The following ZNF385D variants were observed in gnomAD, a reference collection of about 807,000 sequenced individuals.
ZNF385D encodes the protein zinc finger protein 385D, also known as zinc finger protein 659.
In ZNF385D, 15 loss-of-function variants were observed where a neutral mutation model predicts 35.8. The ratio of observed to expected loss-of-function variants is 0.42; its 90% CI spans 0.28 to 0.64. The LOEUF is 0.64. ZNF385D is among the 30% of genes least tolerant of loss of function. The pLI, the probability that ZNF385D is intolerant of heterozygous loss-of-function variation, is 0.23. For missense variants in ZNF385D, 474 were observed against 494.6 expected (o/e 0.96, Z 0.39); for synonymous variants, 212 against 186.8 (o/e 1.13, Z -1.10).
intron 1 of ZNF385D, among the ~76,000 whole-genome samples, chr3:21,735,518 T>C (rs2069201454): frequency 1.3e-5 from 2 of 152,160 alleles, no homozygotes; most frequent in African/African-American, 2.4e-5. Flanking sequence ...GTGCCATGTA[T>C]ATATAAAATT....
At chr3:22,100,069 A>G (rs543145887) in intron 3 of ZNF385D, among the ~76,000 whole-genome samples, 34 of 151,368 alleles carry the variant, frequency 2.2e-4, no homozygotes, top group Admixed American at 1.9e-3. Context: ...GCAGCCAAAA[A>G]ACACATGAAA....
intron 3 of ZNF385D, chr3:21,542,850 C>A (rs1178230830): frequency 6.6e-6 from 1 of 152,196 alleles, no homozygotes; most frequent in Non-Finnish European, 1.5e-5. Context: ...GACTTTCACT[C>A]GATAAAACCC....
chr3:21,822,782 A>G (rs1171423238), intron 3 of ZNF385D, among the ~76,000 whole-genome samples: 1 of 151,868 alleles, frequency 6.6e-6, no homozygotes, highest in African/African-American at 2.4e-5. Flanking sequence ...ATCAACATAA[A>G]TAAATCTCGA....
intron 3 of ZNF385D, among the ~76,000 whole-genome samples, chr3:22,122,224 TACCAGA>T: frequency 1.3e-5 from 2 of 152,312 alleles, no homozygotes; most frequent in Middle Eastern, 6.8e-3. Flanking sequence ...ACCTTCTTTC[TACCAGA>T]ACTTGCTCTT....
At chr3:22,313,514 G>C (rs181908404) in intron 2 of ZNF385D, among the ~76,000 whole-genome samples, 2 of 152,112 alleles carry the variant, frequency 1.3e-5, no homozygotes, top group Non-Finnish European at 2.9e-5. Context: ...ATTCAATGAA[G>C]AATATGGTGT....
intron 4 of ZNF385D, among the ~76,000 whole-genome samples, chr3:21,485,030 A>G (rs1267562087): frequency 1.3e-5 from 2 of 152,146 alleles, no homozygotes; most frequent in Non-Finnish European, 1.5e-5. Context: ...CTCTTTCTTC[A>G]AAGTCTCCTA....
chr3:22,078,251 G>C (rs1576278502), intron 3 of ZNF385D, among the ~76,000 whole-genome samples: 2 of 151,938 alleles, frequency 1.3e-5, no homozygotes, highest in African/African-American at 4.8e-5. Context: ...TGATTTGGTT[G>C]TTTGGTGTCT....
At chr3:21,704,574 T>C (rs962598893) in intron 1 of ZNF385D, among the ~76,000 whole-genome samples, 4 of 151,646 alleles carry the variant, frequency 2.6e-5, no homozygotes, top group African/African-American at 9.7e-5. Context: ...AGTGGTGTGA[T>C]CTCGGCTCAC....
chr3:21,957,471 ATAAGG>A (rs1206735623), intron 3 of ZNF385D, among the ~76,000 whole-genome samples: 2 of 152,138 alleles, frequency 1.3e-5, no homozygotes, highest in Non-Finnish European at 2.9e-5. Flanking sequence ...AATATGAACA[ATAAGG>A]TCCAGGCTGA....
chr3:21,695,148 C>T (rs73138867), intron 1 of ZNF385D, among the ~76,000 whole-genome samples: 11,432 of 152,192 alleles, frequency 0.075, 770 homozygotes, highest in African/African-American at 0.17. Flanking sequence ...GTAAGTGTTA[C>T]CATCTTATCA....
At chr3:21,515,380 A>G (rs1168290198) in intron 3 of ZNF385D, among the ~76,000 whole-genome samples, 1 of 152,236 alleles carries the variant, frequency 6.6e-6, no homozygotes, top group East Asian at 1.9e-4. Context: ...TTATAAGCAT[A>G]TATATCCAAT....
chr3:21,544,846 A>G (rs754498736), intron 3 of ZNF385D, among the ~76,000 whole-genome samples: 10 of 152,204 alleles, frequency 6.6e-5, no homozygotes, highest in Non-Finnish European at 1.3e-4. Context: ...AACCAAAATC[A>G]AACTTCAGTT....
intron 3 of ZNF385D, 118 bp from the exon 4 acceptor site, chr3:21,511,141 C>T: frequency 5.4e-6 from 7 of 1,296,602 alleles, no homozygotes; most frequent in African/African-American, 1.5e-5. Flanking sequence ...CTAATTCTGG[C>T]CGTGGCCAGA....
At chr3:22,137,246 G>A (rs958391287) in intron 3 of ZNF385D, among the ~76,000 whole-genome samples, 1 of 152,152 alleles carries the variant, frequency 6.6e-6, no homozygotes. Flanking sequence ...AGAGGTACAA[G>A]GAGGAGCTGG....
At chr3:22,237,652 A>G (rs1358316463) in intron 2 of ZNF385D, among the ~76,000 whole-genome samples, 1 of 151,876 alleles carries the variant, frequency 6.6e-6, no homozygotes, top group East Asian at 1.9e-4. Context: ...TTTAGACCTT[A>G]TTTTATTTTG....
intron 2 of ZNF385D, among the ~76,000 whole-genome samples, chr3:22,200,525 C>T (rs1696716054): frequency 1.3e-5 from 2 of 152,014 alleles, no homozygotes; most frequent in South Asian, 4.1e-4. Flanking sequence ...ATCACAGTAC[C>T]ACAGGACCAC....
intron 3 of ZNF385D, among the ~76,000 whole-genome samples, chr3:22,091,371 C>T (rs1701322198): frequency 6.6e-6 from 1 of 152,120 alleles, no homozygotes; most frequent in Non-Finnish European, 1.5e-5. Context: ...GGGATGGATT[C>T]CCTGATTTCA....
chr3:22,246,431 C>T (rs1021391641), intron 2 of ZNF385D, among the ~76,000 whole-genome samples: 2 of 152,000 alleles, frequency 1.3e-5, no homozygotes, highest in African/African-American at 2.4e-5. Flanking sequence ...TATTTGTAGA[C>T]GGCCCTCAAA....
At chr3:21,727,249 G>T (rs1174886023) in intron 1 of ZNF385D, among the ~76,000 whole-genome samples, 1 of 152,108 alleles carries the variant, frequency 6.6e-6, no homozygotes, top group Non-Finnish European at 1.5e-5. Flanking sequence ...ATACCATTCA[G>T]GACATAGGCA....
Sources: gnomAD v4.1 joint callset for allele counts (sites outside exome capture counted in the v4.1 genomes callset) on GRCh38, gnomAD v4.1.1 for gene constraint, MANE v1.5 for transcripts, NCBI Gene and HGNC (gene_info 2026-07-23, HGNC 2026-07-21) for gene names.